MTUS2: variants seen among roughly 807,000 people sequenced by gnomAD.
MTUS2 encodes the protein microtubule associated scaffold protein 2, also known as microtubule-associated tumor suppressor candidate 2.
A neutral mutation model predicts 114.1 loss-of-function variants in MTUS2; 40 were observed. The observed-to-expected ratio is 0.35, with a 90% CI of 0.27 to 0.46. The LOEUF is 0.46. MTUS2 is among the 20% of genes least tolerant of loss of function. MTUS2 has a pLI of 1.00. For missense variants in MTUS2, 1,679 were observed against 1,705.4 expected (o/e 0.98, Z 0.27); for synonymous variants, 688 against 672.0 (o/e 1.02, Z -0.37).
chr13:28,915,854 C>A (rs1880716131), intron 2 of MTUS2, among the ~76,000 whole-genome samples: 1 of 151,690 alleles, frequency 6.6e-6, no homozygotes, highest in Non-Finnish European at 1.5e-5. Context: ...TGGGTTATTA[C>A]TCAAGAAATT....
intron 8 of MTUS2, among the ~76,000 whole-genome samples, chr13:29,361,171 T>C (rs1255863753): frequency 6.6e-6 from 1 of 152,174 alleles, no homozygotes; most frequent in Non-Finnish European, 1.5e-5. Context: ...GTAGCATGCA[T>C]GTGGCTCTCA....
At chr13:29,029,209 G>A (rs1886701752) in intron 3 of MTUS2, among the ~76,000 whole-genome samples, 1 of 152,200 alleles carries the variant, frequency 6.6e-6, no homozygotes, top group Non-Finnish European at 1.5e-5. Context: ...CATCTCTAGA[G>A]AGAGGATTCT....
intron 5 of MTUS2, among the ~76,000 whole-genome samples, chr13:29,196,495 T>G (rs1035590270): frequency 2.6e-5 from 4 of 152,190 alleles, no homozygotes; most frequent in African/African-American, 9.7e-5. Flanking sequence ...TAACCATTTT[T>G]AAGTGTTCAG....
chr13:29,282,678 A>G (rs1330493342), intron 6 of MTUS2, among the ~76,000 whole-genome samples: 1 of 152,194 alleles, frequency 6.6e-6, no homozygotes, highest in Non-Finnish European at 1.5e-5. Flanking sequence ...TTCACCATAG[A>G]TGGCTCATCC....
chr13:28,889,049 G>C (rs1159049769), intron 2 of MTUS2, among the ~76,000 whole-genome samples: 1 of 152,174 alleles, frequency 6.6e-6, no homozygotes, highest in Non-Finnish European at 1.5e-5. Context: ...TATCTACTTG[G>C]AAGTAATTAG....
At chr13:29,163,418 T>G (rs758396294) in intron 5 of MTUS2, among the ~76,000 whole-genome samples, 12 of 152,208 alleles carry the variant, frequency 7.9e-5, no homozygotes, top group Non-Finnish European at 1.8e-4. Context: ...TTTTATTTAC[T>G]TTTTCCACTT....
At chr13:28,841,879 G>A (rs1171019731) in intron 2 of MTUS2, among the ~76,000 whole-genome samples, 1 of 152,160 alleles carries the variant, frequency 6.6e-6, no homozygotes, top group African/African-American at 2.4e-5. Flanking sequence ...TAGAGACGAG[G>A]TTTCGCCATG....
intron 2 of MTUS2, among the ~76,000 whole-genome samples, chr13:28,895,286 T>C (rs1343655652): frequency 6.6e-6 from 1 of 152,242 alleles, no homozygotes; most frequent in Non-Finnish European, 1.5e-5. Context: ...AGCATTTTAT[T>C]GTACTAGGCT....
At chr13:29,107,631 A>G (rs1890721580) in intron 5 of MTUS2, among the ~76,000 whole-genome samples, 1 of 152,212 alleles carries the variant, frequency 6.6e-6, no homozygotes, top group Admixed American at 6.5e-5. Flanking sequence ...AGAGATAAAC[A>G]TCATAAAGAC....
intron 5 of MTUS2, among the ~76,000 whole-genome samples, chr13:29,170,540 T>G (rs1301624282): frequency 6.6e-6 from 1 of 152,180 alleles, no homozygotes; most frequent in Non-Finnish European, 1.5e-5. Flanking sequence ...ATGACATGAT[T>G]TATATAAAAA....
At chr13:28,842,807 G>A (rs1193764937) in intron 2 of MTUS2, among the ~76,000 whole-genome samples, 2 of 152,172 alleles carry the variant, frequency 1.3e-5, no homozygotes, top group African/African-American at 4.8e-5. Flanking sequence ...TTAATGGGAT[G>A]GAATGACTTT....
intron 4 of MTUS2, among the ~76,000 whole-genome samples, chr13:29,056,123 A>G (rs972221610): frequency 6.6e-6 from 1 of 151,886 alleles, no homozygotes; most frequent in African/African-American, 2.4e-5. Context: ...TTGAAATGAA[A>G]TCTTTGCCAG....
intron 5 of MTUS2, among the ~76,000 whole-genome samples, chr13:29,177,383 A>G (rs1000329581): frequency 2.0e-5 from 3 of 150,834 alleles, no homozygotes; most frequent in Admixed American, 6.6e-5. Context: ...ACTGGACATA[A>G]TAATAATAAT....
At chr13:28,881,740 A>C (rs958416604) in intron 2 of MTUS2, among the ~76,000 whole-genome samples, 6 of 152,224 alleles carry the variant, frequency 3.9e-5, no homozygotes, top group Admixed American at 1.3e-4. Flanking sequence ...AACGATGAGC[A>C]TTTTTTCATG....
At chr13:29,403,676 A>G (rs73441990) in intron 8 of MTUS2, among the ~76,000 whole-genome samples, 2,427 of 152,282 alleles carry the variant, frequency 0.016, 59 homozygotes, top group African/African-American at 0.054. Flanking sequence ...TTTCCTGCCT[A>G]CTGGCTCATA....
At chr13:29,448,948 T>C (rs946265857) in intron 9 of MTUS2, among the ~76,000 whole-genome samples, 1 of 152,004 alleles carries the variant, frequency 6.6e-6, no homozygotes. Flanking sequence ...GAGTTGGGGT[T>C]TCGCCATGTT....
chr13:29,260,433 G>A (rs552100460), intron 5 of MTUS2, among the ~76,000 whole-genome samples: 4 of 152,250 alleles, frequency 2.6e-5, no homozygotes, highest in African/African-American at 7.2e-5. Flanking sequence ...TCATGAACCC[G>A]TTTATGCCTA....
chr13:29,323,679 G>C (rs191559436), intron 6 of MTUS2, among the ~76,000 whole-genome samples: 29 of 152,234 alleles, frequency 1.9e-4, no homozygotes, highest in African/African-American at 7.0e-4. Flanking sequence ...TTGTATATGT[G>C]TGTATATTTA....
At chr13:29,059,035 G>A (rs770128900) in intron 4 of MTUS2, among the ~76,000 whole-genome samples, 19 of 151,916 alleles carry the variant, frequency 1.3e-4, no homozygotes, top group Non-Finnish European at 2.4e-4. Context: ...CTTCGTTCCT[G>A]TCCATATTCT....
Sources: gnomAD v4.1 joint callset for allele counts (sites outside exome capture counted in the v4.1 genomes callset) on GRCh38, gnomAD v4.1.1 for gene constraint, MANE v1.5 for transcripts, NCBI Gene and HGNC (gene_info 2026-07-23, HGNC 2026-07-21) for gene names.